Variants in GNAL observed in about 807,000 individuals in gnomAD.
The protein encoded by GNAL is G protein subunit alpha L.
Under a neutral mutation model 55.1 loss-of-function variants are expected in GNAL, and 18 were observed. That is an observed-to-expected ratio of 0.33 (90% CI 0.23 to 0.48). GNAL has a LOEUF of 0.48. GNAL is among the 20% of genes least tolerant of loss of function. The pLI is 0.99. For missense variants in GNAL, 412 were observed against 614.1 expected (o/e 0.67, Z 3.48); for synonymous variants, 253 against 237.0 (o/e 1.07, Z -0.62).
intron 11 of GNAL, among the ~76,000 whole-genome samples, chr18:11,880,556 C>CA (rs1206337919): frequency 6.6e-6 from 1 of 152,176 alleles, no homozygotes; most frequent in African/African-American, 2.4e-5. Flanking sequence ...GCCTGGGCAA[C>CA]AGAGCTAGAC....
At chr18:11,785,714 T>C (rs374368394) in intron 4 of GNAL, among the ~76,000 whole-genome samples, 1 of 152,072 alleles carries the variant, frequency 6.6e-6, no homozygotes. Flanking sequence ...CAGGCCGGTG[T>C]ATGAGAGACC....
At position 11,881,660 on chromosome 18, in the gene GNAL, TCA is replaced by T. The variant is rs1226089066; in HGVS notation, c.*526_*527del. 1 of 152,824 alleles carries T rather than the reference TCA, an allele frequency of 6.5e-6. No individual in the cohort carries two copies. Among genetic ancestry groups the T allele is most frequent in the Non-Finnish European group, 1.5e-5 (1 of 68,178 alleles). The allele number at this position is 152,824 out of a possible 1,614,324, so 9.5% of individuals were successfully genotyped here. On this transcript the variant is annotated 3_prime_UTR_variant, in exon 12 of 12. Transcript: ENST00000334049. The surrounding 1 kb of genome is among the most constrained non-coding windows in gnomAD (Gnocchi z 4.8). ...ACCAGAAACCCTTTTACAGTCACAT[TCA>T]GAGTCGCTGCTGGCCTCAGGCATTT...
intron 5 of GNAL, among the ~76,000 whole-genome samples, chr18:11,856,875 T>G (rs935386493): frequency 6.6e-6 from 1 of 152,242 alleles, no homozygotes; most frequent in Non-Finnish European, 1.5e-5. Context: ...GAAGTTGCTG[T>G]GAGCCATGAT....
chr18:11,714,536 G>C (rs2031909282), intron 1 of GNAL, among the ~76,000 whole-genome samples: 1 of 152,192 alleles, frequency 6.6e-6, no homozygotes, highest in Admixed American at 6.5e-5. Context: ...ATGTAGAGTA[G>C]AGGAAGAGGT....
At chr18:11,782,052 C>T (rs1568024488) in intron 4 of GNAL, among the ~76,000 whole-genome samples, 1 of 152,232 alleles carries the variant, frequency 6.6e-6, no homozygotes, top group Non-Finnish European at 1.5e-5. Context: ...CGCAGTGGCT[C>T]ATGCCTGTAA....
intron 4 of GNAL, among the ~76,000 whole-genome samples, chr18:11,801,907 C>T (rs1307170469): frequency 6.6e-6 from 1 of 152,018 alleles, no homozygotes; most frequent in Non-Finnish European, 1.5e-5. Flanking sequence ...GCATTAGACA[C>T]CTGAGTAGGG....
Position 11,868,321 on chromosome 18 carries a change from G to C in GNAL, c.911-222G>C, listed in dbSNP as rs2036312382. 2.0e-5 allele frequency among the ~76,000 whole-genome samples: 3 copies of C among 151,762 alleles called. No individual in the cohort carries two copies. Among genetic ancestry groups the C allele is most frequent in the Non-Finnish European group, 4.4e-5 (3 of 67,948 alleles). ...ATCTCAAAAAAAAAAAAGCACTTAA[G>C]CATCCCAAATTTACATGTGTCTTTT... On this transcript the variant is annotated intron_variant, in intron 8 of 11. Coordinates refer to ENST00000334049, the MANE Select transcript of GNAL (RefSeq NM_182978.4). The surrounding 1 kb of genome is among the most constrained non-coding windows in gnomAD (Gnocchi z 4.0).
chr18:11,757,396 T>A (rs576195665), intron 4 of GNAL, among the ~76,000 whole-genome samples: 2 of 152,264 alleles, frequency 1.3e-5, no homozygotes, highest in Admixed American at 1.3e-4. Flanking sequence ...TCACTCTGGC[T>A]GTGGATGGAG....
At chr18:11,753,531 A>T in intron 2 of GNAL, 97 bp from the exon 3 acceptor site, 1 of 786,524 alleles carries the variant, frequency 1.3e-6, no homozygotes, top group Non-Finnish European at 2.2e-6. Flanking sequence ...AAACCAGTCT[A>T]GGTCAGTGCT....
chr18:11,851,303 T>TAC, intron 5 of GNAL: 1 of 563,576 alleles, frequency 1.8e-6, no homozygotes, highest in Non-Finnish European at 3.0e-6. Context: ...CCTGGCGTCT[T>TAC]ACGTCCCACA....
chr18:11,843,442 T>C (rs2035662029), intron 5 of GNAL, among the ~76,000 whole-genome samples: 1 of 151,766 alleles, frequency 6.6e-6, no homozygotes, highest in African/African-American at 2.4e-5. Context: ...GGATAATCAC[T>C]TGAAGCAGGG....
chr18:11,708,058 G>T (rs2031754901), intron 1 of GNAL, among the ~76,000 whole-genome samples: 1 of 152,168 alleles, frequency 6.6e-6, no homozygotes, highest in Non-Finnish European at 1.5e-5. Context: ...CAGCAATGTG[G>T]CTATTTCACT....
chr18:11,697,567 A>G (rs1051875721), intron 1 of GNAL, among the ~76,000 whole-genome samples: 2 of 151,894 alleles, frequency 1.3e-5, no homozygotes, highest in African/African-American at 4.8e-5. Flanking sequence ...CAGAAAAAAA[A>G]AAGAGAGAGA....
chr18:11,858,196 G>A (rs917110682), intron 5 of GNAL, among the ~76,000 whole-genome samples: 1 of 152,006 alleles, frequency 6.6e-6, no homozygotes, highest in South Asian at 2.1e-4. Context: ...ACAGAAGGGG[G>A]ATCTAAATGA....
At chr18:11,832,753 G>A (rs562408541) in intron 5 of GNAL, among the ~76,000 whole-genome samples, 8 of 151,936 alleles carry the variant, frequency 5.3e-5, no homozygotes, top group African/African-American at 1.9e-4. Context: ...CCAGCTACTC[G>A]GGAGGCTGAG....
intron 4 of GNAL, among the ~76,000 whole-genome samples, chr18:11,814,362 C>CA (rs1213014215): frequency 6.6e-6 from 1 of 151,746 alleles, no homozygotes; most frequent in Non-Finnish European, 1.5e-5. Context: ...CCGTCTCTAT[C>CA]AAAAATACAA....
chr18:11,775,401 A>T (rs1383985479), intron 4 of GNAL, among the ~76,000 whole-genome samples: 1 of 152,216 alleles, frequency 6.6e-6, no homozygotes, highest in East Asian at 1.9e-4. Flanking sequence ...TACGCAGATG[A>T]TCTCACTTAA....
rs116667423 is a variant in GNAL, at chr18:11,833,845, G to A, written c.722+8830G>A. Among the ~76,000 whole-genome samples, 751 of 152,260 alleles carry A rather than the reference G, an allele frequency of 4.9e-3. 6 individuals carry two copies. The highest frequency in any genetic ancestry group is 0.017 in the African/African-American group (703 of 41,560). On this transcript the variant is annotated intron_variant, in intron 5 of 11. Coordinates refer to ENST00000334049, the MANE Select transcript of GNAL (RefSeq NM_182978.4). ...TTTCAGTATTTCTTAGAAATGGAAC[G>A]CTTCGTCACACGGAACTGTATGGAA...
chr18:11,715,806 G>C (rs1185733593), intron 1 of GNAL, among the ~76,000 whole-genome samples: 1 of 152,036 alleles, frequency 6.6e-6, no homozygotes, highest in Non-Finnish European at 1.5e-5. Context: ...GGAGCAGGGT[G>C]GTAGTAATGG....
Sources: allele counts gnomAD v4.1 joint callset (sites outside exome capture counted in the v4.1 genomes callset), GRCh38; gene constraint gnomAD v4.1.1; non-coding constraint Gnocchi (gnomAD v3.1); transcripts MANE v1.5; gene names NCBI Gene and HGNC (gene_info 2026-07-23, HGNC 2026-07-21).